PLCXD3: variants seen among roughly 807,000 people sequenced by gnomAD.
The protein encoded by PLCXD3 is PI-PLC X domain-containing protein 3.
Under a neutral mutation model 25.5 loss-of-function variants are expected in PLCXD3, and 19 were observed. The ratio of observed to expected loss-of-function variants is 0.75; its 90% CI spans 0.52 to 1.09. The LOEUF (loss-of-function observed/expected upper bound fraction) is 1.09. PLCXD3 is among the 50% of genes least tolerant of loss of function. The probability of loss-of-function intolerance (pLI) is 0.00; values close to 1 mark genes in which losing one functional copy is unlikely to be tolerated. For synonymous variants in PLCXD3, 174 were observed against 137.6 expected, an observed-to-expected ratio of 1.26 and a Z score of -1.85; for missense variants, 411 against 388.1, an observed-to-expected ratio of 1.06 and a Z score of -0.50.
At chr5:41,474,774 TG>T (rs1273625804) in intron 1 of PLCXD3, among the ~76,000 whole-genome samples, 12 of 152,194 alleles carry the variant, frequency 7.9e-5, no homozygotes, top group African/African-American at 2.9e-4. Flanking sequence ...CAACAACTCC[TG>T]GGACTACAGT....
intron 1 of PLCXD3, among the ~76,000 whole-genome samples, chr5:41,503,987 T>TTGTGTGTGTGTGTG (rs36021542): frequency 6.7e-6 from 1 of 148,454 alleles, no homozygotes; most frequent in African/African-American, 2.5e-5. Flanking sequence ...GTGTGTGCAC[T>TTGTGTGTGTGTGTG]TGTGTGTGTG....
chr5:41,490,559 T>G (rs917761864), intron 1 of PLCXD3, among the ~76,000 whole-genome samples: 65 of 152,338 alleles, frequency 4.3e-4, no homozygotes, highest in Admixed American at 7.8e-4. Flanking sequence ...TGAATCCATC[T>G]GGTCCTGGAC....
Position 41,312,682 on chromosome 5 carries a change from T to TC in PLCXD3, c.*934dup, listed in dbSNP as rs1191913553. 3.7e-4 allele frequency: 42 copies of TC among 113,546 alleles called. No individual in the cohort carries two copies. In the East Asian group the frequency reaches 6.4e-3, roughly 17 times the overall value. The allele number at this position is 113,546 out of a possible 1,614,324, so 7.0% of individuals were successfully genotyped here. ...TCCCTTCCTCCCTCCCTTCCTTTCT[T>TC]CCTTTCCTTCCTTCCTTCCTTCCTT... is the stretch of plus-strand genomic sequence containing the variant. On this transcript the variant is annotated 3_prime_UTR_variant, in exon 3 of 3. Transcript: ENST00000377801.
intron 1 of PLCXD3, among the ~76,000 whole-genome samples, chr5:41,463,381 G>A (rs1747938282): frequency 6.6e-6 from 1 of 151,880 alleles, no homozygotes; most frequent in Non-Finnish European, 1.5e-5. Flanking sequence ...GGAGCTCTCT[G>A]GGGTCTCTAT....
At chr5:41,484,841 T>C (rs1374849296) in intron 1 of PLCXD3, among the ~76,000 whole-genome samples, 1 of 152,198 alleles carries the variant, frequency 6.6e-6, no homozygotes, top group Non-Finnish European at 1.5e-5. Context: ...AGGTGCTAAA[T>C]TGAGATTTGT....
At chr5:41,393,197 A>G (rs76823980) in intron 1 of PLCXD3, among the ~76,000 whole-genome samples, 16,578 of 152,246 alleles carry the variant, frequency 0.11, 1,082 homozygotes, top group Admixed American at 0.17. Flanking sequence ...AAAGATATCA[A>G]CATCCAAATA....
intron 1 of PLCXD3, among the ~76,000 whole-genome samples, chr5:41,396,001 G>GAA (rs60348556): frequency 0.063 from 8,913 of 141,274 alleles, 309 homozygotes; most frequent in Admixed American, 0.08. Context: ...GCCCATCAAA[G>GAA]AAAAAAAAAA....
At position 41,481,173 on chromosome 5, in the gene PLCXD3, C is replaced by CTCTCTG. The variant is rs543022342; in HGVS notation, c.103+29245_103+29250dup. ...TTGGACATGGAAATCCAACAGCTCT[C>CTCTCTG]TCTCTGTCTGCCTCACCTAATACTT... On this transcript the variant is annotated intron_variant, in intron 1 of 2. Coordinates refer to ENST00000377801, the MANE Select transcript of PLCXD3 (RefSeq NM_001005473.3). Among the ~76,000 whole-genome samples, 270 of 150,164 alleles carry CTCTCTG rather than the reference C, an allele frequency of 1.8e-3. 2 individuals are homozygous for CTCTCTG. The highest frequency in any genetic ancestry group is 6.4e-3 in the African/African-American group (261 of 40,986).
chr5:41,316,990 C>T (rs772360989), intron 2 of PLCXD3, among the ~76,000 whole-genome samples: 1 of 152,166 alleles, frequency 6.6e-6, no homozygotes, highest in African/African-American at 2.4e-5. Context: ...GATTGTTCAG[C>T]CCCAGGGCCT....
intron 2 of PLCXD3, among the ~76,000 whole-genome samples, chr5:41,354,994 T>C (rs753900423): frequency 2.6e-5 from 4 of 152,216 alleles, no homozygotes; most frequent in Non-Finnish European, 5.9e-5. Context: ...CCAAATGGTA[T>C]GCTGTCTTAC....
chr5:41,370,695 C>T (rs1745069417), intron 2 of PLCXD3, among the ~76,000 whole-genome samples: 1 of 152,078 alleles, frequency 6.6e-6, no homozygotes, highest in Non-Finnish European at 1.5e-5. Context: ...ACACTCAACA[C>T]AAACATCTGG....
chr5:41,431,779 C>A (rs549290183), intron 1 of PLCXD3, among the ~76,000 whole-genome samples: 22 of 152,224 alleles, frequency 1.4e-4, no homozygotes, highest in Non-Finnish European at 3.1e-4. Context: ...CTAATCAAGA[C>A]AAGTTTTTAA....
At chr5:41,447,074 G>C (rs1301442079) in intron 1 of PLCXD3, among the ~76,000 whole-genome samples, 1 of 152,160 alleles carries the variant, frequency 6.6e-6, no homozygotes, top group Non-Finnish European at 1.5e-5. Flanking sequence ...GGGGGTGGAG[G>C]TCAGAAAGCG....
chr5:41,399,239 G>T (rs1278127259), intron 1 of PLCXD3, among the ~76,000 whole-genome samples: 1 of 152,146 alleles, frequency 6.6e-6, no homozygotes, highest in East Asian at 1.9e-4. Flanking sequence ...TTGATTGGAA[G>T]AATCACTATT....
intron 1 of PLCXD3, among the ~76,000 whole-genome samples, chr5:41,501,298 T>C (rs1050811676): frequency 1.3e-5 from 2 of 151,998 alleles, no homozygotes. Context: ...AAAATGTATA[T>C]CAATGGATGA....
At chr5:41,500,435 A>C (rs1748927504) in intron 1 of PLCXD3, among the ~76,000 whole-genome samples, 1 of 151,896 alleles carries the variant, frequency 6.6e-6, no homozygotes, top group African/African-American at 2.4e-5. Context: ...GGGTGAGGGG[A>C]TAAAAAGGGA....
chr5:41,467,227 C>G (rs1223343720), intron 1 of PLCXD3, among the ~76,000 whole-genome samples: 1 of 152,134 alleles, frequency 6.6e-6, no homozygotes, highest in Non-Finnish European at 1.5e-5. Flanking sequence ...TAACTTTCAT[C>G]ATTTTTGTTA....
chr5:41,427,209 A>G (rs1049515542), intron 1 of PLCXD3, among the ~76,000 whole-genome samples: 1 of 152,010 alleles, frequency 6.6e-6, no homozygotes, highest in Non-Finnish European at 1.5e-5. Context: ...CCCACTCCCT[A>G]TCTTCTGTTT....
intron 1 of PLCXD3, among the ~76,000 whole-genome samples, chr5:41,504,759 G>T (rs1020345576): frequency 6.6e-5 from 10 of 152,170 alleles, no homozygotes; most frequent in Middle Eastern, 3.2e-3. Flanking sequence ...AAGGAAAATG[G>T]CAGATACCAT....
Sources: gnomAD v4.1 joint callset for allele counts (sites outside exome capture counted in the v4.1 genomes callset) on GRCh38, gnomAD v4.1.1 for gene constraint, MANE v1.5 for transcripts, NCBI Gene and HGNC (gene_info 2026-07-23, HGNC 2026-07-21) for gene names.